SGCD: variants seen among roughly 807,000 people sequenced by gnomAD.
SGCD encodes the protein delta-sarcoglycan.
A neutral mutation model predicts 36.6 loss-of-function variants in SGCD; 18 were observed. The ratio of observed to expected loss-of-function variants is 0.49; its 90% confidence interval spans 0.34 to 0.73. The LOEUF (loss-of-function observed/expected upper bound fraction) is 0.73. Among genes scored for constraint, SGCD ranks in the 30% least tolerant of loss-of-function variants. The pLI is 0.01. For missense variants in SGCD, 387 were observed against 346.7 expected (o/e 1.12, Z -0.92); for synonymous variants, 133 against 130.6 (o/e 1.02, Z -0.12).
rs77738240 is a variant in SGCD at position 156,364,538 on chromosome 5, T to A, written c.192+19861T>A. 3.7e-3 allele frequency among the ~76,000 whole-genome samples: 564 copies of A among 152,346 alleles called. 7 individuals carry two copies. Among genetic ancestry groups the A allele is most frequent in the African/African-American group, 0.013 (524 of 41,574 alleles). ...CTAGGCTGCAGCTACCTATAAGCAG[T>A]TGAAAAAGGAGAAATCCAGTATGTG... On this transcript the variant is annotated intron_variant, in intron 3 of 8. Transcript: ENST00000337851.
chr5:156,384,151 A>G (rs1234280620), intron 3 of SGCD, among the ~76,000 whole-genome samples: 1 of 152,238 alleles, frequency 6.6e-6, no homozygotes, highest in Non-Finnish European at 1.5e-5. Flanking sequence ...AGAGACAAGA[A>G]GAGGGATGAG....
At chr5:156,464,151 G>A (rs1425294389) in intron 3 of SGCD, among the ~76,000 whole-genome samples, 1 of 150,770 alleles carries the variant, frequency 6.6e-6, no homozygotes, top group Non-Finnish European at 1.5e-5. Context: ...AACTAGAAAA[G>A]ATTATGTAGC....
chr5:156,049,382 G>A (rs544546392), intron 1 of SGCD, among the ~76,000 whole-genome samples: 1 of 145,992 alleles, frequency 6.8e-6, no homozygotes, highest in Admixed American at 6.8e-5. Flanking sequence ...GTAGCTTGAT[G>A]GGGATGGCAT....
rs190905178 is a variant in SGCD at position 156,757,455 on chromosome 5, C to G, written c.576-126C>G. ...TCATAAACTTGACCAGGTTGTAAAGCAAAACTTTAAAAAATTCTCTGATCA... is the reference window on the plus strand; with the variant it reads ...TCATAAACTTGACCAGGTTGTAAAGGAAAACTTTAAAAAATTCTCTGATCA... On this transcript the variant is annotated intron_variant, in intron 7 of 8. Coordinates refer to ENST00000337851, the MANE Select transcript of SGCD (RefSeq NM_000337.6). The G allele has an allele frequency of 1.4e-3, 876 of 644,562 alleles. 6 individuals are homozygous for G. The highest frequency in any genetic ancestry group is 5.3e-3 in the Middle Eastern group (16 of 3,006). 39.9% of individuals were successfully genotyped at this position (644,562 alleles called of 1,614,324 possible). A position where few individuals can be genotyped will look rare whatever the true frequency, so the allele number is the denominator to read the frequency against.
At chr5:156,692,145 A>C (rs765024432) in intron 7 of SGCD, among the ~76,000 whole-genome samples, 1 of 152,218 alleles carries the variant, frequency 6.6e-6, no homozygotes, top group Non-Finnish European at 1.5e-5. Flanking sequence ...TTACAATCCT[A>C]AGCATTAATC....
chr5:156,167,027 A>G (rs13356979), intron 3 of SGCD, among the ~76,000 whole-genome samples: 2,570 of 152,004 alleles, frequency 0.017, 75 homozygotes, highest in African/African-American at 0.058. Flanking sequence ...TCCTTCCCTA[A>G]TTCTGAGGCC....
chr5:156,203,789 A>G (rs1764206191), intron 3 of SGCD, among the ~76,000 whole-genome samples: 1 of 152,160 alleles, frequency 6.6e-6, no homozygotes, highest in Admixed American at 6.6e-5. Flanking sequence ...TGGAGAAAAC[A>G]GGACCCAGAT....
intron 3 of SGCD, among the ~76,000 whole-genome samples, chr5:156,483,603 G>T (rs1044135992): frequency 6.6e-6 from 1 of 152,214 alleles, no homozygotes; most frequent in African/African-American, 2.4e-5. Flanking sequence ...ACCATGGGGT[G>T]CATTCGGATT....
chr5:156,179,826 G>T (rs537247929), intron 3 of SGCD, among the ~76,000 whole-genome samples: 1 of 151,968 alleles, frequency 6.6e-6, no homozygotes, highest in Non-Finnish European at 1.5e-5. Flanking sequence ...GTTTCATCAT[G>T]TTGCCCAGGT....
At chr5:156,034,573 T>C (rs552134018) in intron 1 of SGCD, among the ~76,000 whole-genome samples, 1 of 152,320 alleles carries the variant, frequency 6.6e-6, no homozygotes, top group South Asian at 2.1e-4. Context: ...CTATAATCAA[T>C]TGTGTCTTGT....
intron 1 of SGCD, among the ~76,000 whole-genome samples, chr5:156,020,172 AC>A (rs1368063371): frequency 6.6e-6 from 1 of 152,204 alleles, no homozygotes; most frequent in Non-Finnish European, 1.5e-5. Flanking sequence ...CTTATGTTGC[AC>A]ATGTTATTTT....
chr5:156,167,004 T>G (rs1284238190), intron 3 of SGCD, among the ~76,000 whole-genome samples: 1 of 152,076 alleles, frequency 6.6e-6, no homozygotes, highest in Non-Finnish European at 1.5e-5. Context: ...TCTTCCTACT[T>G]CCTTCTGATT....
the SGCD span, among the ~76,000 whole-genome samples, chr5:155,844,298 G>A: frequency 7.2e-5 from 11 of 152,018 alleles, no homozygotes; most frequent in Non-Finnish European, 1.6e-4. Flanking sequence ...CTTATATTGT[G>A]TTATATTTCC....
intron 3 of SGCD, among the ~76,000 whole-genome samples, chr5:156,178,228 T>C (rs1318793790): frequency 6.6e-6 from 1 of 152,188 alleles, no homozygotes; most frequent in African/African-American, 2.4e-5. Context: ...AAATCATAAG[T>C]TGAATCATTA....
chr5:156,181,849 A>G (rs1263210379), intron 3 of SGCD, among the ~76,000 whole-genome samples: 1 of 152,202 alleles, frequency 6.6e-6, no homozygotes, highest in Admixed American at 6.5e-5. Context: ...ATTAATCACT[A>G]AGTACTAAGA....
At chr5:156,216,673 T>C (rs1764582836) in intron 3 of SGCD, among the ~76,000 whole-genome samples, 2 of 152,324 alleles carry the variant, frequency 1.3e-5, no homozygotes, top group East Asian at 1.9e-4. Context: ...ATTCTTCTAA[T>C]CTCAAGCCTT....
chr5:156,733,203 T>A (rs1756169972), intron 7 of SGCD, among the ~76,000 whole-genome samples: 1 of 152,156 alleles, frequency 6.6e-6, no homozygotes, highest in African/African-American at 2.4e-5. Flanking sequence ...GCGCTATCAA[T>A]TTCCCTCTTA....
chr5:156,610,222 G>C (rs920935996), intron 6 of SGCD, among the ~76,000 whole-genome samples: 1 of 152,120 alleles, frequency 6.6e-6, no homozygotes, highest in Non-Finnish European at 1.5e-5. Flanking sequence ...TGGGGTTTTG[G>C]TGTGGATGTC....
the SGCD span, among the ~76,000 whole-genome samples, chr5:155,813,189 A>G: frequency 6.6e-6 from 1 of 152,034 alleles, no homozygotes; most frequent in South Asian, 2.1e-4. Flanking sequence ...TGGATAGGTG[A>G]GAGGTATGGG....
Sources: allele counts gnomAD v4.1 joint callset (sites outside exome capture counted in the v4.1 genomes callset), GRCh38; gene constraint gnomAD v4.1.1; transcripts MANE v1.5; gene names NCBI Gene and HGNC (gene_info 2026-07-23, HGNC 2026-07-21).